Variants in PRKG1 observed in about 807,000 individuals in gnomAD.
The protein encoded by PRKG1 is cGMP-dependent protein kinase 1.
Under a neutral mutation model 88.1 loss-of-function variants are expected in PRKG1, and 35 were observed. That is an observed-to-expected ratio of 0.40 (90% CI 0.30 to 0.53). The LOEUF (loss-of-function observed/expected upper bound fraction) is 0.53. Ranked by LOEUF, PRKG1 falls within the 20% of genes least tolerant of loss-of-function variation. The pLI is 0.59. For synonymous variants in PRKG1, 303 were observed against 292.5 expected (o/e 1.04, Z -0.37); for missense variants, 540 against 839.8 (o/e 0.64, Z 4.41).
intron 5 of PRKG1, among the ~76,000 whole-genome samples, chr10:51,955,590 T>C (rs1843284560): frequency 1.3e-5 from 2 of 152,156 alleles, no homozygotes; most frequent in South Asian, 4.1e-4. Context: ...GATTTCATTA[T>C]TATGATGAAT....
intron 7 of PRKG1, among the ~76,000 whole-genome samples, chr10:52,121,986 C>G (rs1470511860): frequency 6.6e-6 from 1 of 152,124 alleles, no homozygotes; most frequent in South Asian, 2.1e-4. Context: ...TCCTTGGTAC[C>G]AATTTCCTAT....
intron 14 of PRKG1, among the ~76,000 whole-genome samples, chr10:52,287,495 A>C (rs1842143440): frequency 6.6e-6 from 1 of 151,666 alleles, no homozygotes; most frequent in Non-Finnish European, 1.5e-5. Flanking sequence ...CATGAAAGGC[A>C]AAAAAAATAA....
At chr10:51,716,627 G>A (rs1841893684) in intron 3 of PRKG1, among the ~76,000 whole-genome samples, 1 of 152,152 alleles carries the variant, frequency 6.6e-6, no homozygotes, top group African/African-American at 2.4e-5. Flanking sequence ...TTCATTGCCT[G>A]ATTTCTGGTT....
At chr10:51,263,854 G>A (rs1057039080) in intron 2 of PRKG1, among the ~76,000 whole-genome samples, 18 of 152,156 alleles carry the variant, frequency 1.2e-4, no homozygotes, top group Non-Finnish European at 1.2e-4. Flanking sequence ...GAATGATTAG[G>A]ATATTAACTG....
chr10:51,953,714 C>T (rs182921021), intron 5 of PRKG1, among the ~76,000 whole-genome samples: 82 of 151,792 alleles, frequency 5.4e-4, no homozygotes, highest in African/African-American at 1.9e-3. Context: ...ATTGTGTGTG[C>T]GGTTTTGTTT....
chr10:51,040,227 T>G (rs995093457), intron 1 of PRKG1, among the ~76,000 whole-genome samples: 1 of 121,544 alleles, frequency 8.2e-6, no homozygotes, highest in Non-Finnish European at 1.7e-5. Context: ...ATCTTTCCAT[T>G]CCATTTGTGT....
intron 3 of PRKG1, among the ~76,000 whole-genome samples, chr10:51,557,556 C>T (rs1837345666): frequency 6.6e-6 from 1 of 151,978 alleles, no homozygotes; most frequent in Non-Finnish European, 1.5e-5. Context: ...CTAGCTATGT[C>T]ATCTTGGGCT....
chr10:51,686,642 A>C (rs921987948), intron 3 of PRKG1, among the ~76,000 whole-genome samples: 1 of 152,188 alleles, frequency 6.6e-6, no homozygotes, highest in Non-Finnish European at 1.5e-5. Context: ...TGTTTCCCCC[A>C]TAGGCAAACA....
chr10:51,506,814 G>A (rs1841221696), intron 3 of PRKG1, among the ~76,000 whole-genome samples: 1 of 152,028 alleles, frequency 6.6e-6, no homozygotes, highest in African/African-American at 2.4e-5. Flanking sequence ...TATACCCAAA[G>A]GATTATAAAT....
chr10:51,702,385 C>T, intron 3 of PRKG1, among the ~76,000 whole-genome samples: 1 of 152,194 alleles, frequency 6.6e-6, no homozygotes, highest in East Asian at 1.9e-4. Flanking sequence ...GTCCCCAAAT[C>T]AAGAGCTCAG....
At chr10:52,191,268 A>G (rs889992391) in intron 9 of PRKG1, among the ~76,000 whole-genome samples, 14 of 150,192 alleles carry the variant, frequency 9.3e-5, no homozygotes, top group Admixed American at 2.0e-4. Flanking sequence ...TCATTCTCCC[A>G]CCTGCCGAGT....
intron 3 of PRKG1, among the ~76,000 whole-genome samples, chr10:51,726,956 T>C (rs1842146802): frequency 6.6e-6 from 1 of 151,900 alleles, no homozygotes; most frequent in Non-Finnish European, 1.5e-5. Flanking sequence ...TTTTTTTGTA[T>C]TTTTATTAGA....
intron 2 of PRKG1, among the ~76,000 whole-genome samples, chr10:51,192,011 G>A (rs1001089323): frequency 6.6e-6 from 1 of 151,744 alleles, no homozygotes; most frequent in Non-Finnish European, 1.5e-5. Context: ...TAGTGCAGAT[G>A]TTATTATAAG....
At chr10:51,553,802 A>G (rs1040023561) in intron 3 of PRKG1, among the ~76,000 whole-genome samples, 7 of 120,364 alleles carry the variant, frequency 5.8e-5, no homozygotes, top group African/African-American at 2.0e-4. Flanking sequence ...CGTGTATATA[A>G]TATATGTATG....
intron 2 of PRKG1, among the ~76,000 whole-genome samples, chr10:51,326,102 T>C (rs1841586352): frequency 6.6e-6 from 1 of 152,234 alleles, no homozygotes; most frequent in African/African-American, 2.4e-5. Flanking sequence ...CTAAGTCCTT[T>C]GGATTGCCTA....
intron 9 of PRKG1, among the ~76,000 whole-genome samples, chr10:52,203,800 TA>T (rs1184801526): frequency 2.0e-5 from 3 of 152,238 alleles, no homozygotes; most frequent in Non-Finnish European, 4.4e-5. Flanking sequence ...ATTGTCGGAT[TA>T]AAGTCTGTTT....
At chr10:51,162,183 G>A (rs1172179373) in intron 2 of PRKG1, among the ~76,000 whole-genome samples, 2 of 152,164 alleles carry the variant, frequency 1.3e-5, no homozygotes, top group Non-Finnish European at 2.9e-5. Flanking sequence ...ACAGATAGGA[G>A]CCACTTCCCA....
chr10:51,582,613 G>A (rs1838069007), intron 3 of PRKG1, among the ~76,000 whole-genome samples: 1 of 152,078 alleles, frequency 6.6e-6, no homozygotes, highest in South Asian at 2.1e-4. Context: ...CTTCATCCAT[G>A]TTCCTGCAAA....
At chr10:51,997,419 C>T (rs528487663) in intron 5 of PRKG1, among the ~76,000 whole-genome samples, 20 of 147,516 alleles carry the variant, frequency 1.4e-4, no homozygotes, top group Non-Finnish European at 2.8e-4. Flanking sequence ...TGCAGTGAGC[C>T]GAGATCGCAC....
Sources: allele counts gnomAD v4.1 joint callset (sites outside exome capture counted in the v4.1 genomes callset), GRCh38; gene constraint gnomAD v4.1.1; transcripts MANE v1.5; gene names NCBI Gene and HGNC (gene_info 2026-07-23, HGNC 2026-07-21).